The following USP32 variants were observed in gnomAD, a reference collection of about 807,000 sequenced individuals.
USP32 encodes the protein ubiquitin carboxyl-terminal hydrolase 32.
USP32 carries 59 observed loss-of-function variants against 204.8 expected under a neutral mutation model. The ratio of observed to expected loss-of-function variants is 0.29; its 90% CI spans 0.23 to 0.36. USP32 has a LOEUF of 0.36. USP32 is among the 10% of genes least tolerant of loss of function. The pLI, the probability that USP32 is intolerant of heterozygous loss-of-function variation, is 1.00. For synonymous variants in USP32, 517 were observed against 678.4 expected (o/e 0.76, Z 3.70); for missense variants, 1,160 against 1,946.4 (o/e 0.60, Z 7.60).
intron 11 of USP32, chr17:60,249,593 A>G: frequency 1.7e-6 from 1 of 587,218 alleles, no homozygotes; most frequent in Non-Finnish European, 3.0e-6. Context: ...CCTTCAAATC[A>G]TGAATCAGAC....
intron 11 of USP32, 54 bp downstream of exon 11, chr17:60,252,327 A>T (rs553417369): frequency 1.7e-4 from 234 of 1,338,896 alleles, no homozygotes; most frequent in Non-Finnish European, 2.3e-4. Context: ...CTCAGTAACC[A>T]ATATATTTCA....
chr17:60,361,569 C>T (rs1217024943), intron 1 of USP32, among the ~76,000 whole-genome samples: 1 of 152,180 alleles, frequency 6.6e-6, no homozygotes, highest in Middle Eastern at 3.2e-3. Flanking sequence ...CATTGCCAGA[C>T]TTCCTTCCAA....
Position 60,269,453 on chromosome 17 carries a change from T to C in USP32, c.808A>G (p.Lys270Glu). 6.2e-7 allele frequency: 1 copy of C among 1,608,028 alleles called. No individual in the cohort carries two copies. The highest frequency in any genetic ancestry group is 8.5e-7 in the Non-Finnish European group (1 of 1,178,076). The change falls in exon 7 of 34, where the codon AAA becomes GAA. Residue 270 changes from lysine (K) to glutamate (E), a missense_variant. Transcript: ENST00000300896. ...CCRGPLAERQ[K>E]FCFKVFDVDR... ...TGACAATGTTTAACACACTTACATT[T>C]TTGTCTTTCAGCCAGGGGTCCCCTG...
At chr17:60,260,912 CAGA>C (rs576998697) in intron 9 of USP32, among the ~76,000 whole-genome samples, 6 of 152,026 alleles carry the variant, frequency 3.9e-5, no homozygotes, top group Admixed American at 3.3e-4. Context: ...AAAAAAAACC[CAGA>C]AGAACTGCAA....
chr17:60,183,520 A>T (rs1013350153), intron 30 of USP32, 67 bp from the exon 31 acceptor site: 18 of 1,497,566 alleles, frequency 1.2e-5, no homozygotes, highest in South Asian at 2.7e-5. Context: ...TACATGGAAA[A>T]AACAAGTCAA....
In USP32 at chr17:60,288,572, A is replaced by C. The variant is rs774942365; in HGVS notation, c.522T>G (p.Asp174Glu). ...GGTAGAAAGTAGGAGTATCACTATC[A>C]TCAGTGAGGGTAACATACACACCTC... The part of the protein sequence containing the change: ...LSGGVYVTLT[D>E]DSDTPTFYQT... Residue 174 changes from aspartate to glutamate, a missense_variant, in exon 5 of 34, where the codon GAT becomes GAG. By Grantham distance (45) the Asp-to-Glu change is conservative (BLOSUM62 2). This residue lies in a region of USP32 where 536 missense variants were observed against 680.9 expected (regional missense o/e 0.79). Transcript: ENST00000300896. The C allele has an allele frequency of 6.2e-7, 1 of 1,613,034 alleles. No homozygotes were observed. The highest frequency in any genetic ancestry group is 8.5e-7 in the Non-Finnish European group (1 of 1,179,642).
At chr17:60,249,856 T>TCCTGAATCATCC in intron 11 of USP32, 12 of 644,358 alleles carry the variant, frequency 1.9e-5, no homozygotes, top group East Asian at 2.8e-5. Context: ...CGATACTTTT[T>TCCTGAATCATCC]TTTTTTAACA....
chr17:60,297,536 C>T (rs138241938), intron 3 of USP32, among the ~76,000 whole-genome samples: 242 of 151,946 alleles, frequency 1.6e-3, no homozygotes, highest in African/African-American at 5.4e-3. Context: ...GCAACCTCCA[C>T]CTCCTGGATT....
intron 27 of USP32, among the ~76,000 whole-genome samples, chr17:60,194,324 G>A (rs1382225287): frequency 2.0e-5 from 3 of 152,122 alleles, no homozygotes; most frequent in Non-Finnish European, 4.4e-5. Context: ...GATTACAGGC[G>A]TGAGTCACCG....
chr17:60,198,511 C>T, intron 26 of USP32, 67 bp from the exon 27 acceptor site: 2 of 1,569,200 alleles, frequency 1.3e-6, no homozygotes, highest in Admixed American at 2.0e-5. Context: ...TTTAGTTCTT[C>T]TAAATGCCTG....
intron 1 of USP32, among the ~76,000 whole-genome samples, chr17:60,385,883 C>G (rs1442444793): frequency 6.6e-6 from 1 of 151,174 alleles, no homozygotes; most frequent in African/African-American, 2.4e-5. Flanking sequence ...TTAAAAAGAG[C>G]CTTATGTTAA....
At chr17:60,394,191 A>G (rs1206763760), upstream of USP32, among the ~76,000 whole-genome samples, 1 of 152,226 alleles carries the variant, frequency 6.6e-6, no homozygotes, top group Non-Finnish European at 1.5e-5. Context: ...ATAGAGAGAC[A>G]TCAGGCAAAA....
At chr17:60,217,082 T>C (rs2627881) in intron 16 of USP32, among the ~76,000 whole-genome samples, 1 of 152,134 alleles carries the variant, frequency 6.6e-6, no homozygotes, top group Non-Finnish European at 1.5e-5. Context: ...CTCTATTGTC[T>C]TAAGCCACAA....
chr17:60,370,048 A>T (rs1441037007), intron 1 of USP32, among the ~76,000 whole-genome samples: 1 of 145,848 alleles, frequency 6.9e-6, no homozygotes, highest in Non-Finnish European at 1.5e-5. Flanking sequence ...CTACAAAATA[A>T]TTTTTTTTTT....
At chr17:60,277,163 A>AT (rs2086859827) in intron 5 of USP32, among the ~76,000 whole-genome samples, 3 of 151,996 alleles carry the variant, frequency 2.0e-5, no homozygotes, top group Admixed American at 2.0e-4. Flanking sequence ...TATAGGTATA[A>AT]TTTTTTCTGG....
intron 1 of USP32, among the ~76,000 whole-genome samples, chr17:60,388,890 G>A (rs1303221415): frequency 6.6e-6 from 1 of 152,158 alleles, no homozygotes; most frequent in African/African-American, 2.4e-5. Context: ...CCCAGTAAGT[G>A]TTATCTGTCA....
intron 13 of USP32, among the ~76,000 whole-genome samples, chr17:60,224,286 A>T (rs1350254297): frequency 6.6e-6 from 1 of 152,240 alleles, no homozygotes; most frequent in Non-Finnish European, 1.5e-5. Flanking sequence ...TGGTAAGCAC[A>T]TACCAAACAG....
At chr17:60,382,706 T>C (rs1016548237) in intron 1 of USP32, among the ~76,000 whole-genome samples, 2 of 152,168 alleles carry the variant, frequency 1.3e-5, no homozygotes. Flanking sequence ...ACTTCATATA[T>C]GGCAGTAGGA....
chr17:60,392,483 C>A, upstream of USP32: 1 of 245,004 alleles, frequency 4.1e-6, no homozygotes, highest in South Asian at 3.1e-5. Flanking sequence ...GAGGACGACC[C>A]CCCCCGCCCC....
Sources: allele counts gnomAD v4.1 joint callset (sites outside exome capture counted in the v4.1 genomes callset), GRCh38; gene constraint gnomAD v4.1.1; regional missense constraint gnomAD v4.1.1; transcripts MANE v1.5; gene names NCBI Gene and HGNC (gene_info 2026-07-23, HGNC 2026-07-21).